Variants in HPS3 observed in about 807,000 individuals in gnomAD.
HPS3 encodes the protein BLOC-2 complex member HPS3.
A neutral mutation model predicts 110.9 loss-of-function variants in HPS3; 79 were observed. That is an observed-to-expected ratio of 0.71 (90% confidence interval 0.59 to 0.86). HPS3 has a LOEUF of 0.86. Among genes scored for constraint, HPS3 ranks in the 40% least tolerant of loss-of-function variants. The probability of loss-of-function intolerance (pLI) is 0.00; values close to 1 mark genes in which losing one functional copy is unlikely to be tolerated. For synonymous variants in HPS3, 428 were observed against 451.0 expected, an observed-to-expected ratio of 0.95 and a Z score of 0.65; for missense variants, 1,197 against 1,206.2, an observed-to-expected ratio of 0.99 and a Z score of 0.11.
chr3:149,165,373 T>C (rs1038991522), intron 14 of HPS3, among the ~76,000 whole-genome samples: 1 of 152,210 alleles, frequency 6.6e-6, no homozygotes, highest in South Asian at 2.1e-4. Context: ...AAATTTGTTT[T>C]AAAATATTTT....
At chr3:149,130,385 CAT>C (rs1238850697) in intron 1 of HPS3, 1 of 177,588 alleles carries the variant, frequency 5.6e-6, no homozygotes, top group South Asian at 1.2e-4. Flanking sequence ...AGTTCTTTCA[CAT>C]CTGTACCTCC....
chr3:149,167,954 A>G lies in HPS3; in HGVS notation c.2858A>G (p.Lys953Arg). Residue 953 changes from lysine to arginine, a missense_variant, in exon 16 of 17, where the codon AAG becomes AGG. By Grantham distance (26) the Lys-to-Arg change is conservative. Transcript: ENST00000296051. ...CAGAGAATAAAATGTGGTGGAGAGAAGTATCAACTCTACCTGTCATCATTA... is the reference window on the plus strand; with the variant it reads ...CAGAGAATAAAATGTGGTGGAGAGAGGTATCAACTCTACCTGTCATCATTA... Reference protein sequence around the residue: ...LCQRIKCGGEKYQLYLSSLKE... With the variant: ...LCQRIKCGGERYQLYLSSLKE... 1 of 1,597,074 alleles carries G rather than the reference A, an allele frequency of 6.3e-7. No homozygotes were observed. The highest frequency in any genetic ancestry group is 8.6e-7 in the Non-Finnish European group (1 of 1,164,704).
At chr3:149,158,557 G>A (rs1162105031) in intron 9 of HPS3, 109 bp from the exon 10 acceptor site, 2 of 1,054,666 alleles carry the variant, frequency 1.9e-6, no homozygotes, top group Non-Finnish European at 3.0e-6. Context: ...GGAGGCTGAG[G>A]TAGGATAATC....
rs1723362850 is a variant in HPS3 at position 149,155,117 on chromosome 3, G to C, written c.1411G>C (p.Asp471His). The part of the protein sequence containing the change: ...QSPKRLLSRK[D>H]TSVKIKIPPV... ...TTGTTTTGCTTTTAGTTCGAGAAAAGATACCAGTGTTAAAATCAAAATACC... is the reference window on the plus strand; with the variant it reads ...TTGTTTTGCTTTTAGTTCGAGAAAACATACCAGTGTTAAAATCAAAATACC... Residue 471 changes from aspartate (D) to histidine (H), a missense_variant, in exon 8 of 17, where the codon GAT becomes CAT. By Grantham distance (81) the Asp-to-His change is moderately conservative. Transcript: ENST00000296051. 1.3e-6 allele frequency: 2 copies of C among 1,589,470 alleles called. No homozygotes were observed. Among genetic ancestry groups the C allele is most frequent in the Middle Eastern group, 1.7e-4 (1 of 6,046 alleles).
intron 10 of HPS3, among the ~76,000 whole-genome samples, 193 bp from the exon 11 acceptor site, chr3:149,159,853 A>G (rs571861767): frequency 8.8e-4 from 134 of 152,322 alleles, no homozygotes; most frequent in African/African-American, 3.1e-3. Flanking sequence ...AGCAAAGATC[A>G]CTTCAGGTTA....
At position 149,157,432 on chromosome 3, in the gene HPS3, C is replaced by A; in HGVS notation, c.1592C>A (p.Ala531Asp). 6.2e-7 allele frequency: 1 copy of A among 1,613,904 alleles called. No homozygotes were observed. The highest frequency in any genetic ancestry group is 8.5e-7 in the Non-Finnish European group (1 of 1,179,882). Residue 531 changes from alanine to aspartate, a missense_variant, in exon 9 of 17, where the codon GCT (alanine) becomes GAT (aspartate). Physicochemically the swap from Ala to Asp is moderately radical, Grantham distance 126. Coordinates refer to ENST00000296051, the MANE Select transcript of HPS3 (RefSeq NM_032383.5). ...LLSEAHLLVRAALMDASQLEP... is the reference protein window; with the variant it reads ...LLSEAHLLVRDALMDASQLEP... The stretch of plus-strand genomic sequence containing the variant: ...AGTGAGGCTCATCTGTTAGTGCGAG[C>A]TGCCCTGATGGATGCCAGTCAGCTG...
Position 149,163,964 on chromosome 3 carries a change from C to A in HPS3, c.2589+15C>A, listed in dbSNP as rs1358535666. On this transcript the variant is annotated intron_variant, in intron 14 of 16. Transcript: ENST00000296051. Reference sequence around the variant, plus strand: ...CAAAATTACAGGTAAGTAAAAATACCTCCTTTTCTTATGAAATTGCATATT... The same window carrying A: ...CAAAATTACAGGTAAGTAAAAATACATCCTTTTCTTATGAAATTGCATATT... 2 of 1,220,838 alleles carry A rather than the reference C, an allele frequency of 1.6e-6. No individual in the cohort carries two copies. Among genetic ancestry groups the A allele is most frequent in the Admixed American group, 3.4e-5 (2 of 59,190 alleles). The allele number at this position is 1,220,838 out of a possible 1,614,324, so 75.6% of individuals were successfully genotyped here. A position where few individuals can be genotyped will look rare whatever the true frequency, so the allele number is the denominator to read the frequency against.
At chr3:149,151,587 TAAAAAAAAAAAA>T (rs1167453087) in intron 6 of HPS3, among the ~76,000 whole-genome samples, 427 of 40,338 alleles carry the variant, frequency 0.011, 3 homozygotes, top group African/African-American at 0.032. Flanking sequence ...GCTTGGTTTC[TAAAAAAAAAAAA>T]AAAAAAAAAA....
At chr3:149,168,432 A>G (rs1450007952) in intron 16 of HPS3, 1 of 178,870 alleles carries the variant, frequency 5.6e-6, no homozygotes, top group African/African-American at 2.4e-5. Context: ...TTTACAGCAT[A>G]GTAGTTATTT....
chr3:149,148,487 C>T (rs1722914343), intron 5 of HPS3, among the ~76,000 whole-genome samples: 1 of 150,044 alleles, frequency 6.7e-6, no homozygotes, highest in African/African-American at 2.5e-5. Context: ...ACTGCAACCT[C>T]CACCTCCCTG....
At chr3:149,135,779 G>T (rs1458407169) in intron 1 of HPS3, among the ~76,000 whole-genome samples, 1 of 151,946 alleles carries the variant, frequency 6.6e-6, no homozygotes, top group Non-Finnish European at 1.5e-5. Flanking sequence ...GGTGTCTAGG[G>T]GTGGTGGGGC....
At chr3:149,148,748 A>G (rs1433160578) in intron 5 of HPS3, among the ~76,000 whole-genome samples, 3 of 151,436 alleles carry the variant, frequency 2.0e-5, no homozygotes, top group Admixed American at 1.3e-4. Context: ...ATGTACTACT[A>G]TGCCTTATTT....
At chr3:149,133,209 A>G (rs1721876316) in intron 1 of HPS3, among the ~76,000 whole-genome samples, 1 of 152,266 alleles carries the variant, frequency 6.6e-6, no homozygotes, top group Non-Finnish European at 1.5e-5. Context: ...ATGCTATCAA[A>G]TAGCATTGCA....
In HPS3 at chr3:149,160,217, G is replaced by T; in HGVS notation, c.2044G>T (p.Ala682Ser). 6.2e-7 allele frequency: 1 copy of T among 1,613,936 alleles called. No homozygotes were observed. Among genetic ancestry groups the T allele is most frequent in the Non-Finnish European group, 8.5e-7 (1 of 1,179,892 alleles). The change falls in exon 11 of 17, where the codon GCA becomes TCA. Residue 682 changes from alanine to serine, a missense_variant. By Grantham distance (99) the Ala-to-Ser change is moderately conservative. Transcript: ENST00000296051. The part of the protein sequence containing the change: ...SSILVTLTKA[A>S]VALKMGDLDM... ...GATCTTAGTGACATTGACCAAGGCAGCAGTGGCTCTGAAAATGGGAGATCT... is the reference window on the plus strand; with the variant it reads ...GATCTTAGTGACATTGACCAAGGCATCAGTGGCTCTGAAAATGGGAGATCT...
Position 149,141,330 on chromosome 3 carries a change from C to T in HPS3, c.920C>T (p.Ser307Phe), listed in dbSNP as rs377428730. 1.9e-6 allele frequency: 3 copies of T among 1,613,358 alleles called. No individual in the cohort carries two copies. Among genetic ancestry groups the T allele is most frequent in the African/African-American group, 2.7e-5 (2 of 74,796 alleles). Residue 307 changes from serine to phenylalanine, a missense_variant, in exon 4 of 17, where the codon TCT (serine) becomes TTT (phenylalanine). Physicochemically the swap from Ser to Phe is radical, Grantham distance 155. Coordinates refer to ENST00000296051, the MANE Select transcript of HPS3 (RefSeq NM_032383.5). ...CCTGATATTTCGTCCTATGTCTTGT[C>T]TGATGACATCAAGCTACATTCCCTC... ...FAPDISSYVL[S>F]DDIKLHSLQL...
chr3:149,153,956 T>A (rs992624765), intron 7 of HPS3: 1 of 351,434 alleles, frequency 2.8e-6, no homozygotes, highest in Non-Finnish European at 5.2e-6. Context: ...ATAATGCTAA[T>A]TGAAACTACA....
intron 9 of HPS3, 30 bp downstream of exon 9, chr3:149,157,561 A>G (rs980733388): frequency 6.2e-7 from 1 of 1,606,298 alleles, no homozygotes; most frequent in African/African-American, 1.3e-5. Context: ...ACCTTGTTAC[A>G]GAAGTCATCT....
Position 149,167,132 on chromosome 3 carries a change from G to C in HPS3, c.2688G>C (p.Leu896=). 1 of 1,613,896 alleles carries C rather than the reference G, an allele frequency of 6.2e-7. No individual in the cohort carries two copies. The highest frequency in any genetic ancestry group is 8.5e-7 in the Non-Finnish European group (1 of 1,179,804). Reference sequence around the variant, plus strand: ...TTGCCGGCCTCAGTGTCCATGTTCTGTGTCGTACACGCTTGAAAGAGTATG... The same window carrying C: ...TTGCCGGCCTCAGTGTCCATGTTCTCTGTCGTACACGCTTGAAAGAGTATG... The part of the protein sequence containing the change: ...DTIAGLSVHV[L]CRTRLKEYEQ... The change falls in exon 15 of 17, where the codon CTG becomes CTC. Residue 896 remains leucine (L), a synonymous_variant. Coordinates refer to ENST00000296051, the MANE Select transcript of HPS3 (RefSeq NM_032383.5).
At position 149,148,399 on chromosome 3, in the gene HPS3, C is replaced by CTTTTTTTTTTTTTTTTTTTTTTTT. The variant is rs66720211; in HGVS notation, c.1164-2179_1164-2178insTTTTTTTTTTTTTTTTTTTTTTTT. ...TCTCCCAGAGTTAAGCATATCAAGA[C>CTTTTTTTTTTTTTTTTTTTTTTTT]TTTTTTTTTTTTTTTTTTTTTGAGA... is the stretch of plus-strand genomic sequence containing the variant. On this transcript the variant is annotated intron_variant, in intron 5 of 16. Coordinates refer to ENST00000296051, the MANE Select transcript of HPS3 (RefSeq NM_032383.5). Among the ~76,000 whole-genome samples the CTTTTTTTTTTTTTTTTTTTTTTTT allele has an allele frequency of 2.0e-5, 2 of 100,372 alleles. 1 individual carries two copies. The allele number at this position is 100,372 out of a possible 152,430, so 65.8% of individuals were successfully genotyped here.
Sources: gnomAD v4.1 joint callset for allele counts (sites outside exome capture counted in the v4.1 genomes callset) on GRCh38, gnomAD v4.1.1 for gene constraint, MANE v1.5 for transcripts, NCBI Gene and HGNC (gene_info 2026-07-23, HGNC 2026-07-21) for gene names.